KIAA0232: variants seen among roughly 807,000 people sequenced by gnomAD.
KIAA0232 encodes the protein uncharacterized protein KIAA0232.
In KIAA0232, 27 loss-of-function variants were observed where a neutral mutation model predicts 122.0. The observed-to-expected ratio is 0.22, with a 90% CI of 0.16 to 0.31. The LOEUF is 0.31. Ranked by LOEUF, KIAA0232 falls within the 10% of genes least tolerant of loss-of-function variation. The pLI, the probability that KIAA0232 is intolerant of heterozygous loss-of-function variation, is 1.00. For missense variants in KIAA0232, 1,551 were observed against 1,634.2 expected, an observed-to-expected ratio of 0.95 and a Z score of 0.88; for synonymous variants, 613 against 587.6, an observed-to-expected ratio of 1.04 and a Z score of -0.63.
At chr4:6,788,283 G>A (rs114542277) in intron 1 of KIAA0232, among the ~76,000 whole-genome samples, 232 of 152,196 alleles carry the variant, frequency 1.5e-3, no homozygotes, top group African/African-American at 5.0e-3. Flanking sequence ...CTCCGAAAGT[G>A]CCGAGATTAT....
chr4:6,796,352 A>G (rs1276622793), intron 1 of KIAA0232, among the ~76,000 whole-genome samples: 1 of 151,834 alleles, frequency 6.6e-6, no homozygotes, highest in African/African-American at 2.4e-5. Context: ...AGCGATTCTT[A>G]TGTCTCAGCC....
chr4:6,811,019 G>C lies in KIAA0232; in HGVS notation c.-270+6413G>C, dbSNP rs1168110674. Among the ~76,000 whole-genome samples the C allele has an allele frequency of 2.0e-5, 3 of 152,172 alleles. No homozygotes were observed. In the East Asian group the frequency reaches 5.8e-4, roughly 29 times the overall value. ...TTTGGTGGGAATATAAATTAGTATAGCTTCTATGGAAAAGAGTATGGCGAT... is the reference window on the plus strand; with the variant it reads ...TTTGGTGGGAATATAAATTAGTATACCTTCTATGGAAAAGAGTATGGCGAT... On this transcript the variant is annotated intron_variant, in intron 2 of 9. Coordinates refer to ENST00000307659, the MANE Select transcript of KIAA0232 (RefSeq NM_014743.3).
intron 3 of KIAA0232, among the ~76,000 whole-genome samples, chr4:6,825,065 ATAC>A (rs1224718733): frequency 1.3e-5 from 2 of 152,234 alleles, no homozygotes; most frequent in Non-Finnish European, 2.9e-5. Context: ...TGCGTCTATT[ATAC>A]TTCTTGCCTT....
chr4:6,826,035 G>C (rs1233022752), intron 3 of KIAA0232, among the ~76,000 whole-genome samples: 1 of 151,600 alleles, frequency 6.6e-6, no homozygotes, highest in Admixed American at 6.6e-5. Flanking sequence ...CTGAAGCCTT[G>C]AACTCCTGGG....
chr4:6,867,551 C>T (rs1560207647), intron 7 of KIAA0232, among the ~76,000 whole-genome samples: 1 of 152,210 alleles, frequency 6.6e-6, no homozygotes, highest in African/African-American at 2.4e-5. Context: ...TAGTACCAAG[C>T]ACCTTGAGGC....
intron 1 of KIAA0232, among the ~76,000 whole-genome samples, chr4:6,790,915 C>CTTTTTTTT (rs35766310): frequency 2.2e-5 from 2 of 92,940 alleles, no homozygotes; most frequent in Non-Finnish European, 4.1e-5. Flanking sequence ...TTTTTATATA[C>CTTTTTTTT]TTTTTTTTTT....
At chr4:6,858,396 A>G in intron 5 of KIAA0232, 29 bp from the exon 6 acceptor site, 4 of 1,390,576 alleles carry the variant, frequency 2.9e-6, no homozygotes, top group Non-Finnish European at 2.0e-6. Flanking sequence ...ATATAAGACA[A>G]ATCTTTCTTA....
At chr4:6,842,005 G>C (rs778651427) in intron 3 of KIAA0232, 62 bp from the exon 4 acceptor site, 237 of 1,579,504 alleles carry the variant, frequency 1.5e-4, no homozygotes, top group Non-Finnish European at 2.0e-4. Flanking sequence ...GTGTGTGGTA[G>C]GTGGAACATA....
intron 3 of KIAA0232, among the ~76,000 whole-genome samples, chr4:6,831,948 C>T (rs551438974): frequency 4.3e-4 from 66 of 152,350 alleles, no homozygotes; most frequent in African/African-American, 1.5e-3. Flanking sequence ...GATGTCAGTG[C>T]CCTATGCCCA....
intron 1 of KIAA0232, among the ~76,000 whole-genome samples, chr4:6,786,631 A>G (rs960573243): frequency 7.9e-5 from 12 of 152,368 alleles, no homozygotes; most frequent in African/African-American, 2.9e-4. Flanking sequence ...TTTAATAAAC[A>G]TCGGTGCCCA....
At chr4:6,826,419 C>T (rs1016138894) in intron 3 of KIAA0232, among the ~76,000 whole-genome samples, 1 of 151,744 alleles carries the variant, frequency 6.6e-6, no homozygotes, top group African/African-American at 2.4e-5. Flanking sequence ...CATAGAAGGA[C>T]TTTAATTTCC....
At chr4:6,878,369 C>T (rs112751174) in intron 9 of KIAA0232, among the ~76,000 whole-genome samples, 4 of 93,390 alleles carry the variant, frequency 4.3e-5, no homozygotes, top group African/African-American at 1.4e-4. Flanking sequence ...AGCAAAACTC[C>T]ATCATTCATT....
chr4:6,836,996 TC>T (rs1245199890), intron 3 of KIAA0232, among the ~76,000 whole-genome samples: 1 of 151,964 alleles, frequency 6.6e-6, no homozygotes, highest in Non-Finnish European at 1.5e-5. Context: ...TCCCCACACT[TC>T]CCCCCTTTCT....
At chr4:6,857,625 C>T (rs1447993128) in intron 5 of KIAA0232, among the ~76,000 whole-genome samples, 1 of 152,166 alleles carries the variant, frequency 6.6e-6, no homozygotes, top group Non-Finnish European at 1.5e-5. Context: ...GATGTTAAGA[C>T]TGCTAAATTA....
At chr4:6,787,500 C>G (rs1454758386) in intron 1 of KIAA0232, among the ~76,000 whole-genome samples, 2 of 152,184 alleles carry the variant, frequency 1.3e-5, no homozygotes, top group East Asian at 1.9e-4. Flanking sequence ...TACACAGATA[C>G]AAGGTAATCA....
chr4:6,797,571 A>T (rs1228413984), intron 1 of KIAA0232, among the ~76,000 whole-genome samples: 1 of 147,616 alleles, frequency 6.8e-6, no homozygotes, highest in East Asian at 2.0e-4. Context: ...GGAATTCGAG[A>T]CCAGCCTGGG....
chr4:6,824,159 CTT>C (rs1364733378), intron 2 of KIAA0232, 24 bp from the exon 3 acceptor site: 4 of 497,740 alleles, frequency 8.0e-6, no homozygotes, highest in South Asian at 8.8e-5. Context: ...ATAATGCATA[CTT>C]TTTTTCCTCT....
intron 6 of KIAA0232, among the ~76,000 whole-genome samples, chr4:6,859,389 A>C (rs1400862245): frequency 6.6e-6 from 1 of 152,198 alleles, no homozygotes; most frequent in Non-Finnish European, 1.5e-5. Context: ...ATTATCCAGC[A>C]CAGAAGCTGT....
intron 1 of KIAA0232, among the ~76,000 whole-genome samples, chr4:6,795,529 A>G (rs1236674620): frequency 6.6e-6 from 1 of 152,052 alleles, no homozygotes; most frequent in African/African-American, 2.4e-5. Flanking sequence ...TTTTGGATAT[A>G]CTGGGTTAAA....
Sources: allele counts gnomAD v4.1 joint callset (sites outside exome capture counted in the v4.1 genomes callset), GRCh38; gene constraint gnomAD v4.1.1; transcripts MANE v1.5; gene names NCBI Gene and HGNC (gene_info 2026-07-23, HGNC 2026-07-21).